Variants in PCIF1 observed in about 807,000 individuals in gnomAD.
The protein encoded by PCIF1 is mRNA (2'-O-methyladenosine-N(6)-)-methyltransferase.
In PCIF1, 12 loss-of-function variants were observed where a neutral mutation model predicts 86.9. The observed-to-expected ratio is 0.14, with a 90% CI of 0.09 to 0.22. The LOEUF is 0.22. PCIF1 is among the 10% of genes least tolerant of loss of function. The pLI is 1.00. For missense variants in PCIF1, 701 were observed against 951.1 expected, an observed-to-expected ratio of 0.74 and a Z score of 3.46; for synonymous variants, 397 against 372.0, an observed-to-expected ratio of 1.07 and a Z score of -0.77.
At position 45,943,393 on chromosome 20, in the gene PCIF1, C is replaced by T. The variant is rs749402768; in HGVS notation, c.875C>T (p.Ala292Val). The change falls in exon 9 of 17, where the codon GCG becomes GTG. Residue 292 changes from alanine to valine, a missense_variant. This residue lies in a region of PCIF1 where 129 missense variants were observed against 245.9 expected (regional missense o/e 0.52). Transcript: ENST00000372409. The surrounding 1 kb of genome is among the most constrained non-coding windows in gnomAD (Gnocchi z 5.5). ...GCCAAGCGCCTGCTCTTTAAATATG[C>T]GGAGGCCGCCAGGCGGCTCATCGAG... Reference protein sequence around the residue: ...EEAKRLLFKYAEAARRLIESR... With the variant: ...EEAKRLLFKYVEAARRLIESR... 6.2e-7 allele frequency: 1 copy of T among 1,613,832 alleles called. No homozygotes were observed. Among genetic ancestry groups the T allele is most frequent in the Non-Finnish European group, 8.5e-7 (1 of 1,179,974 alleles).
Position 45,946,957 on chromosome 20 carries a change from T to C in PCIF1, c.1614-116T>C, listed in dbSNP as rs1428515084. On this transcript the variant is annotated intron_variant, in intron 14 of 16. Coordinates refer to ENST00000372409, the MANE Select transcript of PCIF1 (RefSeq NM_022104.4). ...TGCCCCAATGAATTAGGGTGAATGC[T>C]GGCTTCTGGACAGGCCATCTCTTCA... 16 of 795,720 alleles carry C rather than the reference T, an allele frequency of 2.0e-5. No individual in the cohort carries two copies. The East Asian group carries it at 4.0e-4, about 20-fold the overall frequency. The allele number at this position is 795,720 out of a possible 1,614,324, so 49.3% of individuals were successfully genotyped here. A position where few individuals can be genotyped will look rare whatever the true frequency, so the allele number is the denominator to read the frequency against.
At chr20:45,945,533 C>T (rs563213855) in intron 11 of PCIF1, among the ~76,000 whole-genome samples, 178 bp from the exon 12 acceptor site, 4 of 152,348 alleles carry the variant, frequency 2.6e-5, no homozygotes, top group South Asian at 2.1e-4. Flanking sequence ...GTTTCTGCCC[C>T]GGCCAGTTGC....
chr20:45,943,057 T>C lies in PCIF1; in HGVS notation c.674-40T>C. The C allele has an allele frequency of 6.2e-7, 1 of 1,600,962 alleles. No homozygotes were observed. The highest frequency in any genetic ancestry group is 8.5e-7 in the Non-Finnish European group (1 of 1,171,078). On this transcript the variant is annotated intron_variant, in intron 7 of 16. Coordinates refer to ENST00000372409, the MANE Select transcript of PCIF1 (RefSeq NM_022104.4). This position sits in a 1 kb window ranked among gnomAD's most constrained non-coding sequence, Gnocchi z 5.5. ...GTGCCAAGCTCCAAGTGGGACTGCT[T>C]GATTAAATCCAGGCCTTCAGCAGCT... is the stretch of plus-strand genomic sequence containing the variant.
intron 7 of PCIF1, among the ~76,000 whole-genome samples, chr20:45,941,979 ATTTTTT>A (rs796753231): frequency 9.1e-6 from 1 of 109,536 alleles, no homozygotes; most frequent in Non-Finnish European, 2.0e-5. Flanking sequence ...TTTTTTTTTA[ATTTTTT>A]TTTTTCTTGA....
chr20:45,940,932 C>T lies in PCIF1; in HGVS notation c.511C>T (p.Pro171Ser). The change falls in exon 6 of 17, where the codon CCC (proline) becomes TCC (serine). Residue 171 changes from proline to serine, a missense_variant. By Grantham distance (74) the Pro-to-Ser change is moderately conservative. Coordinates refer to ENST00000372409, the MANE Select transcript of PCIF1 (RefSeq NM_022104.4). ...EDKQQAALLR[P>S]TEVYWDLDIQ... ...TAAACAGCAGGCAGCTCTCCTACGA[C>T]CCACTGAGTGAGTCCCTGCTGATTG... 6.2e-7 allele frequency: 1 copy of T among 1,614,130 alleles called. No homozygotes were observed. The highest frequency in any genetic ancestry group is 8.5e-7 in the Non-Finnish European group (1 of 1,180,008).
At chr20:45,936,117 G>A (rs2083423282) in intron 1 of PCIF1, among the ~76,000 whole-genome samples, 1 of 152,194 alleles carries the variant, frequency 6.6e-6, no homozygotes, top group Non-Finnish European at 1.5e-5. Flanking sequence ...CCACAGATCA[G>A]TGATAGGTAT....
At chr20:45,939,723 G>T (rs2083454299) in intron 4 of PCIF1, among the ~76,000 whole-genome samples, 1 of 152,204 alleles carries the variant, frequency 6.6e-6, no homozygotes, top group East Asian at 1.9e-4. Context: ...GCAAGGAGAT[G>T]GGAAAAGCTC....
rs1369356514 is a variant in PCIF1, at chr20:45,943,018, G to C, written c.674-79G>C. 1 of 1,435,790 alleles carries C rather than the reference G, an allele frequency of 7.0e-7. No individual in the cohort carries two copies. The highest frequency in any genetic ancestry group is 9.5e-7 in the Non-Finnish European group (1 of 1,049,910). 88.9% of individuals were successfully genotyped at this position (1,435,790 alleles called of 1,614,324 possible). On this transcript the variant is annotated intron_variant, in intron 7 of 16. Transcript: ENST00000372409. This position sits in a 1 kb window ranked among gnomAD's most constrained non-coding sequence, Gnocchi z 5.5. ...CTGTGTCTTGCTTACTGCTGAATGC[G>C]ATGCTTCCTATACGTGCCAAGCTCC...
chr20:45,947,040 G>C lies in PCIF1; in HGVS notation c.1614-33G>C, dbSNP rs761785122. On this transcript the variant is annotated intron_variant, in intron 14 of 16. Coordinates refer to ENST00000372409, the MANE Select transcript of PCIF1 (RefSeq NM_022104.4). The surrounding 1 kb of genome is among the most constrained non-coding windows in gnomAD (Gnocchi z 5.4). The stretch of plus-strand genomic sequence containing the variant: ...GTTTCTGGTTGAGGGACTGGGTCCT[G>C]ATGGGACTTAGAATGCTCACTCCTG... The C allele has an allele frequency of 1.3e-6, 2 of 1,564,442 alleles. No homozygotes were observed. Among genetic ancestry groups the C allele is most frequent in the Admixed American group, 1.8e-5 (1 of 57,018 alleles).
At chr20:45,946,854 C>T (rs16990949) in intron 14 of PCIF1, among the ~76,000 whole-genome samples, 7,567 of 152,230 alleles carry the variant, frequency 0.05, 225 homozygotes, top group African/African-American at 0.073. Flanking sequence ...ATTTGAATTC[C>T]AGCTTGGTGA....
chr20:45,939,405 T>C, intron 4 of PCIF1, 66 bp downstream of exon 4: 1 of 1,600,648 alleles, frequency 6.2e-7, no homozygotes, highest in South Asian at 1.1e-5. Context: ...TCCCCAAATG[T>C]ACCCTGAGCA....
chr20:45,944,783 A>T, intron 10 of PCIF1, 85 bp from the exon 11 acceptor site: 1 of 1,441,602 alleles, frequency 6.9e-7, no homozygotes, highest in Non-Finnish European at 9.4e-7. Context: ...GGACTGCTGG[A>T]CTCCAACAGC....
chr20:45,940,877 G>A lies in PCIF1; in HGVS notation c.456G>A (p.Thr152=), dbSNP rs138186006. Residue 152 remains threonine, a synonymous_variant, in exon 6 of 17, where the codon ACG becomes ACA. Coordinates refer to ENST00000372409, the MANE Select transcript of PCIF1 (RefSeq NM_022104.4). The part of the protein sequence containing the change: ...PSSPSIPGTP[T]LKMWGTSPED... ...CCCCCAGTATCCCAGGAACCCCAACGCTGAAGATGTGGGGTACGTCCCCTG... is the reference window on the plus strand; with the variant it reads ...CCCCCAGTATCCCAGGAACCCCAACACTGAAGATGTGGGGTACGTCCCCTG... 2.2e-5 allele frequency: 36 copies of A among 1,614,148 alleles called. No homozygotes were observed. Among genetic ancestry groups the A allele is most frequent in the African/African-American group, 1.7e-4 (13 of 75,048 alleles).
At chr20:45,945,325 T>C (rs1468944803) in intron 11 of PCIF1, among the ~76,000 whole-genome samples, 1 of 152,218 alleles carries the variant, frequency 6.6e-6, no homozygotes, top group African/African-American at 2.4e-5. Context: ...GTGTGAGTAC[T>C]CATAGGTAAC....
intron 1 of PCIF1, 120 bp downstream of exon 1, chr20:45,934,924 T>C: frequency 2.5e-6 from 1 of 396,018 alleles, no homozygotes; most frequent in Admixed American, 4.4e-5. Flanking sequence ...GCCCTGTCTC[T>C]GTTGCCGCCG....
In PCIF1 at chr20:45,947,839, GC is replaced by G. The variant is rs935055338; in HGVS notation, c.*85del. On this transcript the variant is annotated 3_prime_UTR_variant, in exon 17 of 17. Coordinates refer to ENST00000372409, the MANE Select transcript of PCIF1 (RefSeq NM_022104.4). This position sits in a 1 kb window ranked among gnomAD's most constrained non-coding sequence, Gnocchi z 5.4. ...CCCCTGGGGCCTCAGAGGGACCCCGGCTGCCACTGACATATGAAGATTATGG... is the reference window on the plus strand; with the variant it reads ...CCCCTGGGGCCTCAGAGGGACCCCGGTGCCACTGACATATGAAGATTATGG... 21 of 1,528,514 alleles carry G rather than the reference GC, an allele frequency of 1.4e-5. No homozygotes were observed. In the African/African-American group the frequency reaches 2.7e-4, roughly 19 times the overall value. 94.7% of individuals were successfully genotyped at this position (1,528,514 alleles called of 1,614,324 possible).
rs2083494885 is a variant in PCIF1 at position 45,943,507 on chromosome 20, G to T, written c.905+84G>T. ...GCCATCTTGCCCAGTCTCATGCAGGGCTGTCATTGCTCTCGGTGGCAGAAG... is the reference window on the plus strand; with the variant it reads ...GCCATCTTGCCCAGTCTCATGCAGGTCTGTCATTGCTCTCGGTGGCAGAAG... On this transcript the variant is annotated intron_variant, in intron 9 of 16. Coordinates refer to ENST00000372409, the MANE Select transcript of PCIF1 (RefSeq NM_022104.4). The surrounding 1 kb of genome is among the most constrained non-coding windows in gnomAD (Gnocchi z 5.5). The T allele has an allele frequency of 7.1e-7, 1 of 1,417,038 alleles. No individual in the cohort carries two copies. Among genetic ancestry groups the T allele is most frequent in the Non-Finnish European group, 9.8e-7 (1 of 1,021,860 alleles). 87.8% of individuals were successfully genotyped at this position (1,417,038 alleles called of 1,614,324 possible). A position where few individuals can be genotyped will look rare whatever the true frequency, so the allele number is the denominator to read the frequency against.
intron 1 of PCIF1, among the ~76,000 whole-genome samples, chr20:45,935,761 T>G (rs1218703400): frequency 2.0e-5 from 3 of 152,198 alleles, no homozygotes; most frequent in Non-Finnish European, 4.4e-5. Context: ...CAAATTCTTG[T>G]GTGCCTCACC....
At position 45,937,546 on chromosome 20, in the gene PCIF1, G is replaced by T; in HGVS notation, c.-59G>T. The T allele has an allele frequency of 2.5e-6, 1 of 399,056 alleles. No individual in the cohort carries two copies. Among genetic ancestry groups the T allele is most frequent in the Non-Finnish European group, 4.4e-6 (1 of 226,094 alleles). 24.7% of individuals were successfully genotyped at this position (399,056 alleles called of 1,614,324 possible). Reference sequence around the variant, plus strand: ...CCCTGTGGGGGTCCATCCGGCTGGAGAAGAAAAGCCTCTCATGCTAACGTT... The same window carrying T: ...CCCTGTGGGGGTCCATCCGGCTGGATAAGAAAAGCCTCTCATGCTAACGTT... On this transcript the variant is annotated 5_prime_UTR_variant, in exon 2 of 17. Coordinates refer to ENST00000372409, the MANE Select transcript of PCIF1 (RefSeq NM_022104.4).
Sources: allele counts gnomAD v4.1 joint callset (sites outside exome capture counted in the v4.1 genomes callset), GRCh38; gene constraint gnomAD v4.1.1; regional missense constraint gnomAD v4.1.1; non-coding constraint Gnocchi (gnomAD v3.1); transcripts MANE v1.5; gene names NCBI Gene and HGNC (gene_info 2026-07-23, HGNC 2026-07-21).